MYBPH: variants seen among roughly 807,000 people sequenced by gnomAD.
The protein encoded by MYBPH is myosin binding protein H, also known as myosin-binding protein H.
A neutral mutation model predicts 53.6 loss-of-function variants in MYBPH; 49 were observed. The ratio of observed to expected loss-of-function variants is 0.91; its 90% CI spans 0.73 to 1.16. The LOEUF (loss-of-function observed/expected upper bound fraction) is 1.16, where lower values mean the gene tolerates loss of function less well. MYBPH is among the 50% of genes most tolerant of loss of function. MYBPH has a pLI of 0.00. For synonymous variants in MYBPH, 239 were observed against 249.6 expected, an observed-to-expected ratio of 0.96 and a Z score of 0.40; for missense variants, 558 against 624.1, an observed-to-expected ratio of 0.89 and a Z score of 1.13.
chr1:203,168,662 G>A lies in MYBPH; in HGVS notation c.1431C>T (p.His477=), dbSNP rs1227649445. The change falls in exon 10 of 11, where the codon CAC becomes CAT. Residue 477 remains histidine (H), a synonymous_variant. Coordinates refer to ENST00000255416, the MANE Select transcript of MYBPH (RefSeq NM_004997.3). The part of the protein sequence containing the change: ...CRLEVKASAA[H] ...ATCACAGCCTCCTCCCGTGACTTCA[G>A]TGTGCGGCTGAGGCTGGAAGAGATG... The A allele has an allele frequency of 1.3e-6, 2 of 1,543,216 alleles. No individual in the cohort carries two copies. The highest frequency in any genetic ancestry group is 2.0e-5 in the Admixed American group (1 of 48,812).
In MYBPH at chr1:203,169,197, C is replaced by T. The variant is rs565920321; in HGVS notation, c.1230+56G>A. On this transcript the variant is annotated intron_variant, in intron 8 of 10. Coordinates refer to ENST00000255416, the MANE Select transcript of MYBPH (RefSeq NM_004997.3). Reference sequence around the variant, plus strand: ...TGGACGCCCGGAGGATTCCTCAGCCCTGCTGTCCCCACCTGCCCCCACCAG... The same window carrying T: ...TGGACGCCCGGAGGATTCCTCAGCCTTGCTGTCCCCACCTGCCCCCACCAG... 6 of 1,578,032 alleles carry T rather than the reference C, an allele frequency of 3.8e-6. No homozygotes were observed. In the South Asian group the frequency reaches 4.8e-5, roughly 13 times the overall value.
chr1:203,173,594 C>T (rs115049949), intron 3 of MYBPH, among the ~76,000 whole-genome samples: 75 of 152,340 alleles, frequency 4.9e-4, no homozygotes, highest in African/African-American at 1.6e-3. Flanking sequence ...CATTTCCTTT[C>T]GAATCCAGAC....
In MYBPH at chr1:203,175,562, G is replaced by T. The variant is rs747838943; in HGVS notation, c.194C>A (p.Pro65His). 6.2e-7 allele frequency: 1 copy of T among 1,613,948 alleles called. No homozygotes were observed. The highest frequency in any genetic ancestry group is 8.5e-7 in the Non-Finnish European group (1 of 1,179,968). Residue 65 changes from proline to histidine, a missense_variant, in exon 1 of 11, where the codon CCC (proline) becomes CAC (histidine). Transcript: ENST00000255416. ...CCACCTTCAGTCACCTTCACTTGGG[G>T]GTGCAGGCTTAGTGGCTGTGGAGGC... is the stretch of plus-strand genomic sequence containing the variant. ...PTASTATKPA[P>H]PSEDVPSAPL...
At chr1:203,170,257 GAGTT>G in intron 7 of MYBPH, 30 bp downstream of exon 7, 4 of 1,612,442 alleles carry the variant, frequency 2.5e-6, no homozygotes, top group Middle Eastern at 1.7e-4. Flanking sequence ...GACAGGGAGA[GAGTT>G]AGCACAGCCA....
At chr1:203,168,868 A>G (rs1310212846) in intron 9 of MYBPH, 38 bp downstream of exon 9, 1 of 1,609,246 alleles carries the variant, frequency 6.2e-7, no homozygotes, top group Non-Finnish European at 8.5e-7. Flanking sequence ...AGTTCCAGAG[A>G]GGTGCTTACT....
chr1:203,173,112 C>G (rs1309067900), intron 3 of MYBPH, among the ~76,000 whole-genome samples: 3 of 152,216 alleles, frequency 2.0e-5, no homozygotes, highest in African/African-American at 7.2e-5. Flanking sequence ...TCCCTCTTCT[C>G]TCCAGGAAAT....
At chr1:203,175,200 C>G in intron 2 of MYBPH, 127 bp downstream of exon 2, 1 of 1,226,072 alleles carries the variant, frequency 8.2e-7, no homozygotes, top group South Asian at 3.0e-5. Context: ...GTTGAGGAGC[C>G]TACTGCTCGC....
At chr1:203,178,189 T>C (rs1158691234), upstream of MYBPH, among the ~76,000 whole-genome samples, 3 of 152,152 alleles carry the variant, frequency 2.0e-5, no homozygotes, top group Non-Finnish European at 4.4e-5. Context: ...CTCCACCTCA[T>C]AAAGGCTGAA....
At chr1:203,175,070 T>C (rs2791720) in intron 2 of MYBPH, among the ~76,000 whole-genome samples, 80,359 of 151,324 alleles carry the variant, frequency 0.53, 21,575 homozygotes, top group African/African-American at 0.59. Context: ...GAACCCAGTG[T>C]CCCCTTACCC....
chr1:203,174,187 C>T (rs1447007410), intron 3 of MYBPH, among the ~76,000 whole-genome samples: 2 of 152,176 alleles, frequency 1.3e-5, no homozygotes, highest in African/African-American at 2.4e-5. Context: ...TTTCTGAGCC[C>T]CTTTCTCAAG....
intron 6 of MYBPH, 82 bp downstream of exon 6, chr1:203,170,979 T>C: frequency 6.7e-7 from 1 of 1,500,514 alleles, no homozygotes; most frequent in East Asian, 2.3e-5. Context: ...CTAGACTCGG[T>C]CCCTAGACTC....
chr1:203,171,979 C>A lies in MYBPH; in HGVS notation c.570G>T (p.Glu190Asp), dbSNP rs1655708353. Reference sequence around the variant, plus strand: ...GGAAGGGGATTTGCAGGTTGACCGTCTCTCCCACCTGGCGGATGTAGGTCT... The same window carrying A: ...GGAAGGGGATTTGCAGGTTGACCGTATCTCCCACCTGGCGGATGTAGGTCT... The part of the protein sequence containing the change: ...LRQTYIRQVG[E>D]TVNLQIPFQG... Residue 190 changes from glutamate to aspartate, a missense_variant, in exon 4 of 11, where the codon GAG (glutamate) becomes GAT (aspartate). Physicochemically the swap from Glu to Asp is conservative, Grantham distance 45 (BLOSUM62 2). Transcript: ENST00000255416. The surrounding 1 kb of genome is among the most constrained non-coding windows in gnomAD (Gnocchi z 4.2). 7.5e-7 allele frequency: 1 copy of A among 1,324,506 alleles called. No individual in the cohort carries two copies. Among genetic ancestry groups the A allele is most frequent in the East Asian group, 2.8e-5 (1 of 35,826 alleles). The allele number at this position is 1,324,506 out of a possible 1,614,324, so 82.0% of individuals were successfully genotyped here. A position where few individuals can be genotyped will look rare whatever the true frequency, so the allele number is the denominator to read the frequency against.
Position 203,172,034 on chromosome 1 carries a change from G to T in MYBPH, c.515C>A (p.Pro172His). Reference protein sequence around the residue: ...PIHIRENIEAPKIRVPRHLRQ... With the variant: ...PIHIRENIEAHKIRVPRHLRQ... ...GAGGTGGCGGGGGACACGGATCTTGGGGGCCTCTGGATCAAAGCAAGAGTC... is the reference window on the plus strand; with the variant it reads ...GAGGTGGCGGGGGACACGGATCTTGTGGGCCTCTGGATCAAAGCAAGAGTC... Residue 172 changes from proline (P) to histidine (H), a missense_variant, in exon 4 of 11, where the codon CCC becomes CAC. Coordinates refer to ENST00000255416, the MANE Select transcript of MYBPH (RefSeq NM_004997.3). 7.6e-7 allele frequency: 1 copy of T among 1,317,210 alleles called. No homozygotes were observed. The highest frequency in any genetic ancestry group is 2.8e-5 in the East Asian group (1 of 35,630). 81.6% of individuals were successfully genotyped at this position (1,317,210 alleles called of 1,614,324 possible). A position where few individuals can be genotyped will look rare whatever the true frequency, so the allele number is the denominator to read the frequency against.
At position 203,171,089 on chromosome 1, in the gene MYBPH, A is replaced by G; in HGVS notation, c.905T>C (p.Met302Thr). Residue 302 changes from methionine to threonine, a missense_variant, in exon 6 of 11, where the codon ATG becomes ACG. Met to Thr is a moderately conservative substitution (Grantham distance 81, BLOSUM62 -1). Coordinates refer to ENST00000255416, the MANE Select transcript of MYBPH (RefSeq NM_004997.3). The surrounding 1 kb of genome is among the most constrained non-coding windows in gnomAD (Gnocchi z 4.2). ...TGTCTTTTTGTCTGCCTTCTGCACCATGTAGCCCAGGAGCTCTGTGTTGCC... is the reference window on the plus strand; with the variant it reads ...TGTCTTTTTGTCTGCCTTCTGCACCGTGTAGCCCAGGAGCTCTGTGTTGCC... ...DTGNTELLGY[M>T]VQKADKKTGQ... 12 of 1,609,042 alleles carry G rather than the reference A, an allele frequency of 7.5e-6. No homozygotes were observed. Among genetic ancestry groups the G allele is most frequent in the Non-Finnish European group, 1.0e-5 (12 of 1,178,098 alleles).
upstream of MYBPH, among the ~76,000 whole-genome samples, chr1:203,177,887 C>T (rs944842441): frequency 2.6e-5 from 4 of 152,276 alleles, no homozygotes; most frequent in Admixed American, 6.5e-5. Flanking sequence ...CCCCACTCCA[C>T]GCCTTGCCGA....
In MYBPH at chr1:203,171,666, CG is replaced by C; in HGVS notation, c.598-89del. ...CTCCAGGAGTCTCTGGAGCTGTTCT[CG>C]GGGAAGCCTGTCCCACTGGCCCTTC... On this transcript the variant is annotated intron_variant, in intron 4 of 10. Coordinates refer to ENST00000255416, the MANE Select transcript of MYBPH (RefSeq NM_004997.3). The surrounding 1 kb of genome is among the most constrained non-coding windows in gnomAD (Gnocchi z 4.2). 1 of 1,339,350 alleles carries C rather than the reference CG, an allele frequency of 7.5e-7. No individual in the cohort carries two copies. Among genetic ancestry groups the C allele is most frequent in the Non-Finnish European group, 1.0e-6 (1 of 1,003,514 alleles). 83.0% of individuals were successfully genotyped at this position (1,339,350 alleles called of 1,614,324 possible).
At chr1:203,174,979 C>T (rs987943921) in intron 2 of MYBPH, among the ~76,000 whole-genome samples, 3 of 152,090 alleles carry the variant, frequency 2.0e-5, no homozygotes, top group Middle Eastern at 3.2e-3. Context: ...CTAACATTCC[C>T]CTCTCCAGCT....
chr1:203,174,362 C>T (rs1655756975), intron 3 of MYBPH, 68 bp downstream of exon 3: 4 of 1,495,142 alleles, frequency 2.7e-6, no homozygotes, highest in Non-Finnish European at 2.7e-6. Flanking sequence ...TACCTGCTGG[C>T]CTCAGTTTCT....
chr1:203,178,402 C>A (rs984983275), upstream of MYBPH, among the ~76,000 whole-genome samples: 31 of 152,308 alleles, frequency 2.0e-4, no homozygotes, highest in African/African-American at 7.5e-4. Flanking sequence ...CCAAGGTAAT[C>A]GGCTGCCCCT....
Sources: allele counts gnomAD v4.1 joint callset (sites outside exome capture counted in the v4.1 genomes callset), GRCh38; gene constraint gnomAD v4.1.1; non-coding constraint Gnocchi (gnomAD v3.1); transcripts MANE v1.5; gene names NCBI Gene and HGNC (gene_info 2026-07-23, HGNC 2026-07-21).